RBM33: variants seen among roughly 807,000 people sequenced by gnomAD.
The protein encoded by RBM33 is RNA binding motif protein 33, also known as RNA-binding protein 33.
RBM33 carries 28 observed loss-of-function variants against 132.6 expected under a neutral mutation model. That is an observed-to-expected ratio of 0.21 (90% confidence interval 0.16 to 0.29). The LOEUF is 0.29. RBM33 is among the 10% of genes least tolerant of loss of function. The pLI, the probability that RBM33 is intolerant of heterozygous loss-of-function variation, is 1.00. For synonymous variants in RBM33, 634 were observed against 593.0 expected (o/e 1.07, Z -1.01); for missense variants, 1,291 against 1,518.5 (o/e 0.85, Z 2.49).
chr7:155,715,696 C>T (rs542159071), intron 8 of RBM33, among the ~76,000 whole-genome samples: 1 of 152,264 alleles, frequency 6.6e-6, no homozygotes, highest in South Asian at 2.1e-4. Context: ...GAGAGAAGGA[C>T]AAAGTGTTCT....
At position 155,779,434 on chromosome 7, in the gene RBM33, C is replaced by G. The variant is rs1802738842; in HGVS notation, c.*4393C>G. ...ACTTTAGTGTATTTAAAGAGCATTT[C>G]AGTTAACTTTTTCAGCTATTTTTAA... On this transcript the variant is annotated 3_prime_UTR_variant, in exon 18 of 18. Coordinates refer to ENST00000401878, the MANE Select transcript of RBM33 (RefSeq NM_053043.3). 6.6e-6 allele frequency: 1 copy of G among 152,150 alleles called. No homozygotes were observed. The highest frequency in any genetic ancestry group is 1.5e-5 in the Non-Finnish European group (1 of 68,034). The allele number at this position is 152,150 out of a possible 1,614,324, so 9.4% of individuals were successfully genotyped here.
intron 7 of RBM33, among the ~76,000 whole-genome samples, chr7:155,710,570 C>T (rs1464386383): frequency 6.6e-6 from 1 of 152,222 alleles, no homozygotes; most frequent in Admixed American, 6.5e-5. Flanking sequence ...CTTCCCTGGT[C>T]TCCTGATTTT....
chr7:155,652,521 G>A (rs1370512229), intron 1 of RBM33, among the ~76,000 whole-genome samples: 1 of 152,128 alleles, frequency 6.6e-6, no homozygotes, highest in Admixed American at 6.5e-5. Context: ...TCCAAGTCGA[G>A]GATTCTGGAA....
chr7:155,683,274 G>T (rs901437783), intron 5 of RBM33, among the ~76,000 whole-genome samples: 13 of 152,186 alleles, frequency 8.5e-5, no homozygotes, highest in Admixed American at 8.5e-4. Context: ...GCTCGGCAAT[G>T]GGAGCCTCTC....
At chr7:155,740,175 G>GT in intron 12 of RBM33, 149 bp downstream of exon 12, 1 of 1,101,448 alleles carries the variant, frequency 9.1e-7, no homozygotes, top group African/African-American at 1.6e-5. Context: ...GTGAATCCAT[G>GT]TTTTAAAAAA....
rs200393932 is a variant in RBM33 at position 155,721,533 on chromosome 7, T to TA, written c.1260+3098dup. Among the ~76,000 whole-genome samples the TA allele has an allele frequency of 8.5e-3, 1,297 of 151,956 alleles. 14 individuals carry two copies. Among genetic ancestry groups the TA allele is most frequent in the African/African-American group, 0.029 (1,220 of 41,464 alleles). ...TTCATACCCAATTGACTAAAAGAGT[T>TA]AAAAAAAAGGCAGACAATACGCAAA... On this transcript the variant is annotated intron_variant, in intron 9 of 17. Coordinates refer to ENST00000401878, the MANE Select transcript of RBM33 (RefSeq NM_053043.3).
At position 155,745,628 on chromosome 7, in the gene RBM33, C is replaced by T. The variant is rs776695317; in HGVS notation, c.2979+26C>T. 2.6e-5 allele frequency: 39 copies of T among 1,527,382 alleles called. No homozygotes were observed. In the Admixed American group the frequency reaches 7.9e-4, roughly 31 times the overall value. The allele number at this position is 1,527,382 out of a possible 1,614,324, so 94.6% of individuals were successfully genotyped here. A position where few individuals can be genotyped will look rare whatever the true frequency, so the allele number is the denominator to read the frequency against. The stretch of plus-strand genomic sequence containing the variant: ...GTAAGTTGACAAGTTTTATGAGAGC[C>T]TCTTTGAGTCTGTGTATCACATAGA... On this transcript the variant is annotated intron_variant, in intron 14 of 17. Coordinates refer to ENST00000401878, the MANE Select transcript of RBM33 (RefSeq NM_053043.3). The surrounding 1 kb of genome is among the most constrained non-coding windows in gnomAD (Gnocchi z 4.1).
At chr7:155,744,910 TG>T in intron 13 of RBM33, 50 bp from the exon 14 acceptor site, 1 of 1,482,862 alleles carries the variant, frequency 6.7e-7, no homozygotes, top group African/African-American at 1.4e-5. Context: ...AAATAGACTA[TG>T]GGCACCTTGC....
At chr7:155,691,317 A>G (rs575209108) in intron 5 of RBM33, among the ~76,000 whole-genome samples, 185 of 152,254 alleles carry the variant, frequency 1.2e-3, no homozygotes, top group Non-Finnish European at 2.1e-3. Context: ...TTTCAGCTCC[A>G]TCAGGTCATT....
intron 14 of RBM33, among the ~76,000 whole-genome samples, chr7:155,751,245 GGTCT>G (rs1386799744): frequency 2.0e-5 from 3 of 152,110 alleles, no homozygotes; most frequent in Non-Finnish European, 4.4e-5. Context: ...GCTTTATCCT[GGTCT>G]GTCTTTTTGT....
intron 3 of RBM33, among the ~76,000 whole-genome samples, chr7:155,673,440 G>A (rs1000538176): frequency 1.5e-4 from 20 of 137,788 alleles, no homozygotes; most frequent in South Asian, 4.8e-4. Context: ...GTGTGTGTGT[G>A]TATGTGTATA....
At chr7:155,695,003 G>A (rs1350306099) in intron 5 of RBM33, among the ~76,000 whole-genome samples, 1 of 152,058 alleles carries the variant, frequency 6.6e-6, no homozygotes, top group Non-Finnish European at 1.5e-5. Flanking sequence ...TGTACCATTT[G>A]GCACTCCCAC....
rs115394476 is a variant in RBM33, at chr7:155,728,166, G to C, written c.1261-9364G>C. Among the ~76,000 whole-genome samples, 308 of 152,126 alleles carry C rather than the reference G, an allele frequency of 2.0e-3. 1 individual carries two copies. Among genetic ancestry groups the C allele is most frequent in the African/African-American group, 7.2e-3 (298 of 41,494 alleles). ...ATTATCTGCCCTCTTTTCTTATCCT[G>C]CTACCACTTGGCTGATATGCGGGCA... On this transcript the variant is annotated intron_variant, in intron 9 of 17. Transcript: ENST00000401878.
At chr7:155,762,792 T>C (rs1411239598) in intron 14 of RBM33, among the ~76,000 whole-genome samples, 2 of 152,226 alleles carry the variant, frequency 1.3e-5, no homozygotes, top group African/African-American at 4.8e-5. Context: ...GGGGAGGGTT[T>C]ACTATCCCGT....
At position 155,665,237 on chromosome 7, in the gene RBM33, G is replaced by C; in HGVS notation, c.106G>C (p.Asp36His). Residue 36 changes from aspartate (D) to histidine (H), a missense_variant, in exon 2 of 18, where the codon GAT becomes CAT. Around this residue, in one of 7 missense-constraint regions of RBM33, gnomAD observed 194 missense variants for 249.8 expected, o/e 0.78. Coordinates refer to ENST00000401878, the MANE Select transcript of RBM33 (RefSeq NM_053043.3). Reference protein sequence around the residue: ...AERSWRRRAADEDWDSELEDD... With the variant: ...AERSWRRRAAHEDWDSELEDD... ...ACGGTCGTGGAGAAGAAGAGCTGCT[G>C]ATGAGGACTGGGACAGGTACGTGCA... 1 of 1,613,864 alleles carries C rather than the reference G, an allele frequency of 6.2e-7. No homozygotes were observed. Among genetic ancestry groups the C allele is most frequent in the Non-Finnish European group, 8.5e-7 (1 of 1,179,778 alleles).
At chr7:155,691,037 C>T (rs1032361842) in intron 5 of RBM33, among the ~76,000 whole-genome samples, 2 of 152,194 alleles carry the variant, frequency 1.3e-5, no homozygotes, top group African/African-American at 2.4e-5. Context: ...TGGGGAAGCT[C>T]TCCTGGATAA....
At chr7:155,719,601 G>A (rs928259796) in intron 9 of RBM33, among the ~76,000 whole-genome samples, 2 of 152,054 alleles carry the variant, frequency 1.3e-5, no homozygotes, top group Non-Finnish European at 2.9e-5. Flanking sequence ...TATTTATTGG[G>A]TATCTATTTG....
intron 6 of RBM33, among the ~76,000 whole-genome samples, chr7:155,704,654 A>T (rs1000769648): frequency 6.6e-6 from 1 of 152,208 alleles, no homozygotes; most frequent in African/African-American, 2.4e-5. Flanking sequence ...TTTTAGTTAG[A>T]AAGACTGCAT....
chr7:155,673,940 G>GTTTTTT lies in RBM33; in HGVS notation c.171+1052_171+1057dup, dbSNP rs71186053. On this transcript the variant is annotated intron_variant, in intron 3 of 17. Transcript: ENST00000401878. ...TCATTATCAAGATAGTTTAGGCTTA[G>GTTTTTT]TTTTTTTTTTTTTTTTTTTTTTTTT... Among the ~76,000 whole-genome samples the GTTTTTT allele has an allele frequency of 3.1e-3, 169 of 54,170 alleles. 3 individuals carry two copies. Among genetic ancestry groups the GTTTTTT allele is most frequent in the Admixed American group, 4.5e-3 (17 of 3,800 alleles). The allele number at this position is 54,170 out of a possible 152,430, so 35.5% of individuals were successfully genotyped here. A position where few individuals can be genotyped will look rare whatever the true frequency, so the allele number is the denominator to read the frequency against.
Sources: gnomAD v4.1 joint callset for allele counts (sites outside exome capture counted in the v4.1 genomes callset) on GRCh38, gnomAD v4.1.1 for gene constraint, gnomAD v4.1.1 regional missense constraint, Gnocchi (gnomAD v3.1) non-coding constraint, MANE v1.5 for transcripts, NCBI Gene and HGNC (gene_info 2026-07-23, HGNC 2026-07-21) for gene names.